The following SHC3 variants were observed in gnomAD, a reference collection of about 807,000 sequenced individuals.
The protein encoded by SHC3 is SHC adaptor protein 3.
SHC3 carries 15 observed loss-of-function variants against 60.4 expected under a neutral mutation model. That is an observed-to-expected ratio of 0.25 (90% CI 0.17 to 0.38). The LOEUF (loss-of-function observed/expected upper bound fraction) is 0.38, where lower values mean the gene tolerates loss of function less well. Ranked by LOEUF, SHC3 falls within the 10% of genes least tolerant of loss-of-function variation. The pLI, the probability that SHC3 is intolerant of heterozygous loss-of-function variation, is 1.00. For synonymous variants in SHC3, 294 were observed against 325.9 expected (o/e 0.90, Z 1.05); for missense variants, 677 against 786.1 (o/e 0.86, Z 1.66).
intron 11 of SHC3, among the ~76,000 whole-genome samples, chr9:89,025,273 T>C (rs994036738): frequency 6.6e-6 from 1 of 152,124 alleles, no homozygotes; most frequent in Non-Finnish European, 1.5e-5. Context: ...TTCTCACTTC[T>C]GCTGGATCCA....
At chr9:89,177,857 G>A in intron 1 of SHC3, 130 bp downstream of exon 1, 1 of 1,114,382 alleles carries the variant, frequency 9.0e-7, no homozygotes, top group East Asian at 4.1e-5. Context: ...GCTAAGGAGT[G>A]CGCATTTGCT....
chr9:89,151,910 T>C (rs1361160160), intron 1 of SHC3, among the ~76,000 whole-genome samples: 1 of 152,218 alleles, frequency 6.6e-6, no homozygotes, highest in Non-Finnish European at 1.5e-5. Flanking sequence ...TGTATTGCCC[T>C]AATAAAAGAA....
At chr9:89,125,925 T>C (rs1826157627) in intron 1 of SHC3, among the ~76,000 whole-genome samples, 1 of 152,226 alleles carries the variant, frequency 6.6e-6, no homozygotes, top group South Asian at 2.1e-4. Flanking sequence ...TCCGCCTATA[T>C]AATAGCCATT....
At chr9:89,034,444 A>G (rs1824539108) in intron 11 of SHC3, among the ~76,000 whole-genome samples, 1 of 151,998 alleles carries the variant, frequency 6.6e-6, no homozygotes, top group South Asian at 2.1e-4. Context: ...GGACAAGGAC[A>G]CTCTCCCCTG....
intron 11 of SHC3, among the ~76,000 whole-genome samples, chr9:89,037,732 TA>T (rs1216610959): frequency 6.6e-6 from 1 of 152,242 alleles, no homozygotes; most frequent in Non-Finnish European, 1.5e-5. Context: ...TTATTTACTT[TA>T]AAGGACATAA....
intron 11 of SHC3, among the ~76,000 whole-genome samples, chr9:89,024,903 G>A (rs1276289875): frequency 2.0e-5 from 3 of 152,220 alleles, no homozygotes; most frequent in African/African-American, 2.4e-5. Flanking sequence ...CAGAGTATGA[G>A]AAGAGAGGTG....
intron 2 of SHC3, among the ~76,000 whole-genome samples, chr9:89,097,074 G>A: frequency 6.9e-6 from 1 of 145,702 alleles, no homozygotes; most frequent in South Asian, 2.2e-4. Context: ...CTGGACACCA[G>A]TGGGCAGCGC....
intron 1 of SHC3, among the ~76,000 whole-genome samples, chr9:89,168,464 CAA>C (rs535409985): frequency 7.0e-6 from 1 of 141,990 alleles, no homozygotes; most frequent in African/African-American, 2.6e-5. Context: ...AACTCTGTCT[CAA>C]AAAAAAAAAG....
intron 1 of SHC3, among the ~76,000 whole-genome samples, chr9:89,155,688 C>T (rs1426501817): frequency 6.6e-6 from 1 of 152,180 alleles, no homozygotes; most frequent in East Asian, 1.9e-4. Context: ...GGCAAATCGT[C>T]ATCTACCTGT....
intron 3 of SHC3, among the ~76,000 whole-genome samples, chr9:89,076,187 T>A (rs1825355626): frequency 6.6e-6 from 1 of 152,092 alleles, no homozygotes; most frequent in African/African-American, 2.4e-5. Flanking sequence ...TTCTTCGTTC[T>A]CAGTTGCCGT....
intron 2 of SHC3, among the ~76,000 whole-genome samples, chr9:89,080,940 G>A (rs962390855): frequency 6.6e-5 from 10 of 151,780 alleles, no homozygotes; most frequent in Non-Finnish European, 1.5e-4. Flanking sequence ...CTAATTTTTT[G>A]TATTTTTAGT....
intron 11 of SHC3, among the ~76,000 whole-genome samples, chr9:89,027,443 A>T (rs1387933523): frequency 6.6e-6 from 1 of 151,012 alleles, no homozygotes. Flanking sequence ...CAGCCTCCCG[A>T]GTAGCTGGGA....
At chr9:89,113,329 T>C (rs1394373909) in intron 1 of SHC3, among the ~76,000 whole-genome samples, 1 of 152,140 alleles carries the variant, frequency 6.6e-6, no homozygotes, top group Admixed American at 6.5e-5. Context: ...AATAGTTATG[T>C]TCCAAAGCCT....
chr9:89,096,846 C>G (rs546593481), intron 2 of SHC3, among the ~76,000 whole-genome samples: 58 of 152,198 alleles, frequency 3.8e-4, no homozygotes, highest in African/African-American at 1.1e-3. Flanking sequence ...GTCGACCATG[C>G]CAAGATGGGG....
At chr9:89,019,854 C>G (rs540274384) in intron 11 of SHC3, among the ~76,000 whole-genome samples, 1 of 152,076 alleles carries the variant, frequency 6.6e-6, no homozygotes, top group Non-Finnish European at 1.5e-5. Flanking sequence ...ATATCAAATA[C>G]AGTCTATTTA....
intron 3 of SHC3, among the ~76,000 whole-genome samples, chr9:89,076,397 A>G (rs1825359111): frequency 6.6e-6 from 1 of 152,240 alleles, no homozygotes; most frequent in South Asian, 2.1e-4. Context: ...GCAGCTGCCC[A>G]GATGATCTGG....
At chr9:89,014,543 T>G (rs1240281805) in intron 11 of SHC3, among the ~76,000 whole-genome samples, 1 of 152,176 alleles carries the variant, frequency 6.6e-6, no homozygotes, top group East Asian at 1.9e-4. Flanking sequence ...GGCTTTGCTC[T>G]CCAGCCTTAG....
At chr9:89,137,967 T>A (rs183613506) in intron 1 of SHC3, among the ~76,000 whole-genome samples, 3 of 152,310 alleles carry the variant, frequency 2.0e-5, no homozygotes, top group Non-Finnish European at 4.4e-5. Flanking sequence ...CAACTATGAG[T>A]CTGTGCAGGC....
intron 11 of SHC3, among the ~76,000 whole-genome samples, chr9:89,015,653 G>C (rs1331181): frequency 6.6e-6 from 1 of 152,266 alleles, no homozygotes; most frequent in African/African-American, 2.4e-5. Flanking sequence ...CTTATAGCCA[G>C]CAGAACTCTC....
Sources: gnomAD v4.1 joint callset for allele counts (sites outside exome capture counted in the v4.1 genomes callset) on GRCh38, gnomAD v4.1.1 for gene constraint, MANE v1.5 for transcripts, NCBI Gene and HGNC (gene_info 2026-07-23, HGNC 2026-07-21) for gene names.